FCHO2: variants seen among roughly 807,000 people sequenced by gnomAD.
FCHO2 encodes the protein F-BAR domain only protein 2.
FCHO2 carries 43 observed loss-of-function variants against 114.1 expected under a neutral mutation model. That is an observed-to-expected ratio of 0.38 (90% CI 0.30 to 0.49). The LOEUF (loss-of-function observed/expected upper bound fraction) is 0.49. Ranked by LOEUF, FCHO2 falls within the 20% of genes least tolerant of loss-of-function variation. FCHO2 has a pLI of 0.97. For missense variants in FCHO2, 807 were observed against 950.4 expected, an observed-to-expected ratio of 0.85 and a Z score of 1.98; for synonymous variants, 293 against 315.2, an observed-to-expected ratio of 0.93 and a Z score of 0.75.
rs1020227592 is a variant in FCHO2 at position 73,018,526 on chromosome 5, T to C, written c.796+1218T>C. ...AGATTTTAGTCTTAACTTTCTTCTT[T>C]TTTTTTTTTTTTGTTTCAACCACAA... On this transcript the variant is annotated intron_variant, in intron 8 of 25. Coordinates refer to ENST00000430046, the MANE Select transcript of FCHO2 (RefSeq NM_138782.3). Among the ~76,000 whole-genome samples, 9 of 150,492 alleles carry C rather than the reference T, an allele frequency of 6.0e-5. 1 individual carries two copies. Among genetic ancestry groups the C allele is most frequent in the Middle Eastern group, 3.4e-3 (1 of 292 alleles).
At chr5:72,971,952 T>G (rs1338094143) in intron 2 of FCHO2, among the ~76,000 whole-genome samples, 1 of 151,488 alleles carries the variant, frequency 6.6e-6, no homozygotes. Context: ...ATTTATTAAA[T>G]AGGGAATCCT....
intron 17 of FCHO2, among the ~76,000 whole-genome samples, chr5:73,060,140 C>T (rs1340763178): frequency 6.6e-6 from 1 of 151,864 alleles, no homozygotes; most frequent in African/African-American, 2.4e-5. Flanking sequence ...GTGTTTGGCT[C>T]ATATCACCAT....
intron 11 of FCHO2, among the ~76,000 whole-genome samples, chr5:73,048,469 A>C (rs1371118824): frequency 6.6e-6 from 1 of 152,100 alleles, no homozygotes; most frequent in Non-Finnish European, 1.5e-5. Context: ...ATAAAATAAA[A>C]ATATTTTCAA....
At position 73,089,613 on chromosome 5, in the gene FCHO2, C is replaced by T. The variant is rs1198917333; in HGVS notation, c.*1523C>T. 6.6e-6 allele frequency: 1 copy of T among 152,406 alleles called. No individual in the cohort carries two copies. The highest frequency in any genetic ancestry group is 1.5e-5 in the Non-Finnish European group (1 of 67,916). 9.4% of individuals were successfully genotyped at this position (152,406 alleles called of 1,614,324 possible). A position where few individuals can be genotyped will look rare whatever the true frequency, so the allele number is the denominator to read the frequency against. Reference sequence around the variant, plus strand: ...TTTCATAATTTACAAATGGGAATTTCATTTATAATAATAAATATGAGTGTC... The same window carrying T: ...TTTCATAATTTACAAATGGGAATTTTATTTATAATAATAAATATGAGTGTC... On this transcript the variant is annotated 3_prime_UTR_variant, in exon 26 of 26. Transcript: ENST00000430046.
intron 24 of FCHO2, 29 bp from the exon 25 acceptor site, chr5:73,087,560 G>T (rs1743351524): frequency 1.9e-6 from 3 of 1,609,466 alleles, no homozygotes; most frequent in African/African-American, 1.3e-5. Context: ...ATTTTACCCT[G>T]TGTAAGTGCT....
At chr5:72,983,037 C>T (rs113048306) in intron 2 of FCHO2, among the ~76,000 whole-genome samples, 1,610 of 152,006 alleles carry the variant, frequency 0.011, 11 homozygotes, top group Non-Finnish European at 0.017. Context: ...CCTCAGCCTC[C>T]CGAGTAGCTG....
chr5:73,038,873 G>A (rs545672499), intron 10 of FCHO2, among the ~76,000 whole-genome samples: 1 of 152,240 alleles, frequency 6.6e-6, no homozygotes, highest in South Asian at 2.1e-4. Flanking sequence ...GTAAGTAAAT[G>A]TTTAAAATAT....
intron 5 of FCHO2, among the ~76,000 whole-genome samples, chr5:73,000,636 G>A (rs1332756432): frequency 2.7e-5 from 4 of 149,498 alleles, no homozygotes; most frequent in East Asian, 4.0e-4. Flanking sequence ...TTAGCCAGGC[G>A]TGGTGGTACA....
At chr5:73,037,045 T>C (rs1475375627) in intron 9 of FCHO2, 98 bp from the exon 10 acceptor site, 11 of 740,804 alleles carry the variant, frequency 1.5e-5, no homozygotes, top group South Asian at 2.8e-5. Context: ...TCAGCAGTTA[T>C]GAGCAAATTA....
At chr5:73,048,911 C>T (rs1362628105) in intron 11 of FCHO2, among the ~76,000 whole-genome samples, 1 of 127,644 alleles carries the variant, frequency 7.8e-6, no homozygotes, top group Non-Finnish European at 1.6e-5. Flanking sequence ...GAGTCTCGCT[C>T]TGTCGCCCAG....
At chr5:73,000,886 G>A (rs1754398680) in intron 5 of FCHO2, among the ~76,000 whole-genome samples, 1 of 152,014 alleles carries the variant, frequency 6.6e-6, no homozygotes, top group South Asian at 2.1e-4. Flanking sequence ...GGGATTACAG[G>A]CATGAGCCAC....
chr5:73,048,035 A>G (rs1168873674), intron 11 of FCHO2, among the ~76,000 whole-genome samples: 2 of 152,022 alleles, frequency 1.3e-5, no homozygotes, highest in Non-Finnish European at 2.9e-5. Flanking sequence ...AGATATGACT[A>G]TATTGCCAGC....
At chr5:72,990,912 A>T (rs967916787) in intron 5 of FCHO2, 48 bp downstream of exon 5, 5 of 1,502,386 alleles carry the variant, frequency 3.3e-6, no homozygotes, top group East Asian at 4.9e-5. Context: ...GCACCTTGAC[A>T]TACAAAATTG....
At chr5:73,071,624 C>A (rs952078025) in intron 19 of FCHO2, among the ~76,000 whole-genome samples, 1 of 151,894 alleles carries the variant, frequency 6.6e-6, no homozygotes, top group Non-Finnish European at 1.5e-5. Flanking sequence ...ATTTTTATTT[C>A]TAAGAAATTA....
intron 8 of FCHO2, among the ~76,000 whole-genome samples, chr5:73,027,016 TTG>T (rs1308895220): frequency 1.5e-5 from 2 of 131,300 alleles, no homozygotes; most frequent in Middle Eastern, 3.4e-3. Flanking sequence ...TTTTGTTTGT[TTG>T]TTTTTTTTTT....
At chr5:72,978,535 A>G (rs576070689) in intron 2 of FCHO2, among the ~76,000 whole-genome samples, 2 of 152,326 alleles carry the variant, frequency 1.3e-5, no homozygotes, top group South Asian at 4.1e-4. Context: ...TTCTAAATAT[A>G]CAATCATGTC....
At chr5:72,960,837 C>CTA (rs1489961551) in intron 1 of FCHO2, among the ~76,000 whole-genome samples, 1 of 152,122 alleles carries the variant, frequency 6.6e-6, no homozygotes, top group Non-Finnish European at 1.5e-5. Flanking sequence ...TAATCCCAAT[C>CTA]TATATACGAT....
intron 2 of FCHO2, among the ~76,000 whole-genome samples, chr5:72,988,215 G>A (rs1044387173): frequency 5.3e-5 from 8 of 152,226 alleles, no homozygotes; most frequent in Admixed American, 1.3e-4. Context: ...TGAGTGGGGC[G>A]GATCACAAGG....
intron 1 of FCHO2, among the ~76,000 whole-genome samples, chr5:72,967,839 A>G (rs1314241142): frequency 6.7e-6 from 1 of 150,280 alleles, no homozygotes; most frequent in Non-Finnish European, 1.5e-5. Context: ...AGGCTGATCT[A>G]GAACTCCTGA....
Sources: gnomAD v4.1 joint callset for allele counts (sites outside exome capture counted in the v4.1 genomes callset) on GRCh38, gnomAD v4.1.1 for gene constraint, MANE v1.5 for transcripts, NCBI Gene and HGNC (gene_info 2026-07-23, HGNC 2026-07-21) for gene names.